SFI1: variants seen among roughly 807,000 people sequenced by gnomAD.
SFI1 encodes the protein protein SFI1 homolog.
In SFI1, 195 loss-of-function variants were observed where a neutral mutation model predicts 207.5. The ratio of observed to expected loss-of-function variants is 0.94; its 90% CI spans 0.84 to 1.06. SFI1 has a LOEUF of 1.06. Ranked by LOEUF, SFI1 falls within the 50% of genes least tolerant of loss-of-function variation. SFI1 has a pLI of 0.00. For missense variants in SFI1, 1,634 were observed against 1,588.0 expected (o/e 1.03, Z -0.49); for synonymous variants, 630 against 598.9 (o/e 1.05, Z -0.76).
chr22:31,602,224 G>A lies in SFI1; in HGVS notation c.1557G>A (p.Glu519=), dbSNP rs2068234919. The A allele has an allele frequency of 6.2e-7, 1 of 1,614,048 alleles. No individual in the cohort carries two copies. The highest frequency in any genetic ancestry group is 8.5e-7 in the Non-Finnish European group (1 of 1,179,900). ...RATRFHRETL[E]KQVFSLWRQK... is the part of the protein sequence containing the mutation. The stretch of plus-strand genomic sequence containing the variant: ...CCTTGTTTTTTAGGGAGACATTAGA[G>A]AAGCAAGTATTTTCTCTCTGGAGGC... The change falls in exon 16 of 33, where the codon GAG becomes GAA. Residue 519 remains glutamate (E), a synonymous_variant. Transcript: ENST00000400288.
intron 8 of SFI1, among the ~76,000 whole-genome samples, chr22:31,570,274 T>G (rs964433170): frequency 1.3e-5 from 2 of 152,164 alleles, no homozygotes; most frequent in Non-Finnish European, 2.9e-5. Flanking sequence ...CTTTAAAAGA[T>G]GTAACTGACA....
intron 5 of SFI1, among the ~76,000 whole-genome samples, chr22:31,550,027 G>A (rs2060481306): frequency 1.3e-5 from 2 of 151,820 alleles, no homozygotes; most frequent in Admixed American, 6.6e-5. Flanking sequence ...CACCTCCTGG[G>A]TTCAAGTGAT....
intron 22 of SFI1, 137 bp from the exon 23 acceptor site, chr22:31,611,006 G>A (rs1646213294): frequency 1.8e-6 from 2 of 1,135,334 alleles, no homozygotes; most frequent in South Asian, 1.4e-5. Flanking sequence ...TGGTCCATGT[G>A]TGGTAGTTTC....
intron 12 of SFI1, among the ~76,000 whole-genome samples, chr22:31,583,407 G>T (rs978349885): frequency 6.6e-6 from 1 of 152,140 alleles, no homozygotes; most frequent in Non-Finnish European, 1.5e-5. Flanking sequence ...GAGCTACTGC[G>T]CCCAGCCCAG....
intron 23 of SFI1, 151 bp from the exon 24 acceptor site, chr22:31,611,615 C>T (rs1170334351): frequency 1.3e-6 from 1 of 798,882 alleles, no homozygotes; most frequent in Non-Finnish European, 1.9e-6. Flanking sequence ...AGGCGGCACT[C>T]CCTGCCTATG....
intron 15 of SFI1, among the ~76,000 whole-genome samples, chr22:31,591,877 A>T: frequency 1.8e-5 from 1 of 56,052 alleles, no homozygotes; most frequent in South Asian, 7.5e-4. Context: ...CTCACCTCCC[A>T]GACGGGGTGG....
intron 1 of SFI1, among the ~76,000 whole-genome samples, chr22:31,507,327 T>G (rs2054787772): frequency 1.3e-5 from 2 of 152,162 alleles, no homozygotes; most frequent in South Asian, 4.1e-4. Flanking sequence ...GCTGGACCCC[T>G]TCTTTACACC....
intron 4 of SFI1, among the ~76,000 whole-genome samples, chr22:31,539,794 C>T (rs1263045721): frequency 6.6e-6 from 1 of 152,028 alleles, no homozygotes; most frequent in East Asian, 1.9e-4. Context: ...CAGCCCACTG[C>T]AACCTCTGCC....
intron 6 of SFI1, among the ~76,000 whole-genome samples, chr22:31,551,935 A>G (rs1462433094): frequency 1.3e-5 from 2 of 152,212 alleles, no homozygotes; most frequent in African/African-American, 2.4e-5. Flanking sequence ...TTACATGAGT[A>G]TACTGCATAA....
At chr22:31,520,522 A>G (rs1182440380) in intron 2 of SFI1, among the ~76,000 whole-genome samples, 3 of 152,116 alleles carry the variant, frequency 2.0e-5, no homozygotes, top group South Asian at 2.1e-4. Flanking sequence ...GTGCAATTCA[A>G]TGGCTTTTCT....
chr22:31,561,318 C>G lies in SFI1; in HGVS notation c.691C>G (p.Leu231Val), dbSNP rs909591956. 6.2e-7 allele frequency: 1 copy of G among 1,614,136 alleles called. No homozygotes were observed. The highest frequency in any genetic ancestry group is 8.5e-7 in the Non-Finnish European group (1 of 1,180,000). Reference protein sequence around the residue: ...RVWWSTWRQRLGQVRVSRALH... With the variant: ...RVWWSTWRQRVGQVRVSRALH... The stretch of plus-strand genomic sequence containing the variant: ...GTGGTGGAGCACGTGGAGGCAGCGA[C>G]TAGGACAGGTCCGTGTGAGCCGTGC... The change falls in exon 8 of 33, where the codon CTA becomes GTA. Residue 231 changes from leucine to valine, a missense_variant. Coordinates refer to ENST00000400288, the MANE Select transcript of SFI1 (RefSeq NM_001007467.3).
intron 8 of SFI1, among the ~76,000 whole-genome samples, chr22:31,563,633 T>A (rs931660421): frequency 6.6e-6 from 1 of 152,106 alleles, no homozygotes. Context: ...TTGCCCAGGC[T>A]GGAGTGCAGT....
rs1206993271 is a variant in SFI1 at position 31,614,795 on chromosome 22, T to C, written c.3003T>C (p.Thr1001=). The change falls in exon 28 of 33, where the codon ACT becomes ACC. Residue 1001 remains threonine, a synonymous_variant. Coordinates refer to ENST00000400288, the MANE Select transcript of SFI1 (RefSeq NM_001007467.3). ...ACCCCATGTTTCTTTCCAGCAACAC[T>C]GCCCACTCAGCGAGGAAGCAGCCGC... ...AEEPHALELN[T]AHSARKQPRR... is the part of the protein sequence containing the mutation. 1 of 1,613,820 alleles carries C rather than the reference T, an allele frequency of 6.2e-7. No individual in the cohort carries two copies. The highest frequency in any genetic ancestry group is 1.1e-5 in the South Asian group (1 of 91,074).
intron 8 of SFI1, among the ~76,000 whole-genome samples, chr22:31,571,346 T>C (rs1217259133): frequency 6.6e-6 from 1 of 152,070 alleles, no homozygotes; most frequent in Non-Finnish European, 1.5e-5. Context: ...AGGGTCTCAC[T>C]CTGTTGCCCA....
chr22:31,579,404 C>G (rs1176072656), intron 11 of SFI1, among the ~76,000 whole-genome samples: 1 of 151,996 alleles, frequency 6.6e-6, no homozygotes, highest in Non-Finnish European at 1.5e-5. Context: ...CAAGCTCTGC[C>G]TCCGGGGTTC....
intron 2 of SFI1, among the ~76,000 whole-genome samples, chr22:31,523,398 A>G (rs1340389155): frequency 6.6e-6 from 1 of 152,218 alleles, no homozygotes; most frequent in Non-Finnish European, 1.5e-5. Flanking sequence ...CACTTTCCCA[A>G]ATCAGGAGGA....
intron 22 of SFI1, among the ~76,000 whole-genome samples, chr22:31,608,793 C>T (rs2069529274): frequency 6.6e-6 from 1 of 151,956 alleles, no homozygotes; most frequent in African/African-American, 2.4e-5. Context: ...TGTTTAGGGG[C>T]CAGAGACTTT....
intron 8 of SFI1, among the ~76,000 whole-genome samples, chr22:31,561,965 GAA>G (rs2148293851): frequency 6.6e-6 from 1 of 151,954 alleles, no homozygotes; most frequent in South Asian, 2.1e-4. Flanking sequence ...ATAGAACAGA[GAA>G]GAGGAAAAAA....
chr22:31,575,087 T>TGC, intron 9 of SFI1, 144 bp from the exon 10 acceptor site: 1 of 400 alleles, frequency 2.5e-3, no homozygotes, highest in Non-Finnish European at 5.6e-3. Context: ...ACTTAGTGCG[T>TGC]GTGTGTGTGT....
Sources: allele counts gnomAD v4.1 joint callset (sites outside exome capture counted in the v4.1 genomes callset), GRCh38; gene constraint gnomAD v4.1.1; transcripts MANE v1.5; gene names NCBI Gene and HGNC (gene_info 2026-07-23, HGNC 2026-07-21).